ZNF532: variants seen among roughly 807,000 people sequenced by gnomAD.
ZNF532 encodes zinc finger protein 532.
A neutral mutation model predicts 89.3 loss-of-function variants in ZNF532; 22 were observed. The ratio of observed to expected loss-of-function variants is 0.25; its 90% confidence interval spans 0.18 to 0.35. The LOEUF (loss-of-function observed/expected upper bound fraction) is 0.35, where lower values mean the gene tolerates loss of function less well. Ranked by LOEUF, ZNF532 falls within the 10% of genes least tolerant of loss-of-function variation. ZNF532 has a pLI of 1.00. For missense variants in ZNF532, 1,132 were observed against 1,643.4 expected (o/e 0.69, Z 5.38); for synonymous variants, 606 against 649.6 (o/e 0.93, Z 1.02).
At chr18:58,981,214 TGA>T (rs1427115947) in intron 8 of ZNF532, 11 of 459,314 alleles carry the variant, frequency 2.4e-5, no homozygotes, top group Non-Finnish European at 3.6e-5. Context: ...GTGCTCATTC[TGA>T]GAGAATACTG....
intron 7 of ZNF532, among the ~76,000 whole-genome samples, chr18:58,975,825 A>C (rs886143335): frequency 3.3e-5 from 5 of 152,250 alleles, no homozygotes; most frequent in African/African-American, 1.2e-4. Context: ...AAAGTAACTC[A>C]GAACTGAGTA....
chr18:58,893,943 T>C (rs2059082349), intron 2 of ZNF532, among the ~76,000 whole-genome samples: 1 of 152,182 alleles, frequency 6.6e-6, no homozygotes. Context: ...TCTTTGCTTG[T>C]CCTGTATTTA....
intron 3 of ZNF532, among the ~76,000 whole-genome samples, chr18:58,922,677 A>T (rs2061205754): frequency 6.6e-6 from 1 of 152,164 alleles, no homozygotes; most frequent in Non-Finnish European, 1.5e-5. Flanking sequence ...AAAGCCAAAA[A>T]GCTCTTTCTT....
At chr18:58,965,249 G>A (rs1301519011) in intron 7 of ZNF532, among the ~76,000 whole-genome samples, 3 of 152,098 alleles carry the variant, frequency 2.0e-5, no homozygotes, top group Non-Finnish European at 2.9e-5. Context: ...ATTGGAAGGC[G>A]GGGTGTTAAG....
intron 2 of ZNF532, among the ~76,000 whole-genome samples, chr18:58,909,677 G>A (rs2060163194): frequency 6.6e-6 from 1 of 152,144 alleles, no homozygotes; most frequent in Admixed American, 6.6e-5. Flanking sequence ...ATGATTAGCA[G>A]CAAAAACAGG....
At chr18:58,955,471 A>G (rs1352684357) in intron 7 of ZNF532, among the ~76,000 whole-genome samples, 1 of 152,244 alleles carries the variant, frequency 6.6e-6, no homozygotes, top group African/African-American at 2.4e-5. Context: ...GTGAGACTAT[A>G]TAGAGAGTAC....
intron 2 of ZNF532, among the ~76,000 whole-genome samples, chr18:58,876,747 C>A (rs563474743): frequency 6.6e-6 from 1 of 152,236 alleles, no homozygotes; most frequent in South Asian, 2.1e-4. Flanking sequence ...GACTGTCAGG[C>A]CTTAGGTCAG....
At chr18:58,880,110 C>T (rs2057764608) in intron 2 of ZNF532, among the ~76,000 whole-genome samples, 1 of 151,978 alleles carries the variant, frequency 6.6e-6, no homozygotes, top group Non-Finnish European at 1.5e-5. Flanking sequence ...GAAAGGTGAT[C>T]CAGAGAGGGA....
chr18:58,923,794 A>T (rs1009905634), intron 3 of ZNF532, among the ~76,000 whole-genome samples: 2 of 152,206 alleles, frequency 1.3e-5, no homozygotes, highest in Non-Finnish European at 2.9e-5. Context: ...CTAGAAATGG[A>T]CACGGGAGCC....
chr18:58,983,948 T>TA, intron 9 of ZNF532, 24 bp from the exon 10 acceptor site: 1 of 1,588,368 alleles, frequency 6.3e-7, no homozygotes, highest in Non-Finnish European at 8.6e-7. Context: ...TTCAGTCGTG[T>TA]CATTTGCTTT....
chr18:58,984,119 C>T lies in ZNF532; in HGVS notation c.3559C>T (p.Leu1187=), dbSNP rs578201733. Residue 1187 remains leucine, a synonymous_variant, in exon 10 of 10, where the codon CTG becomes TTG. Coordinates refer to ENST00000591808, the MANE Select transcript of ZNF532 (RefSeq NM_001375912.1). The stretch of plus-strand genomic sequence containing the variant: ...GTGTGGCTTCACCACCGAAAACCTG[C>T]TGCAATTCCACGAACACATCCCTCA... ...AVCGFTTENL[L]QFHEHIPQHK... is the part of the protein sequence containing the mutation. The T allele has an allele frequency of 6.2e-7, 1 of 1,611,906 alleles. No individual in the cohort carries two copies. Among genetic ancestry groups the T allele is most frequent in the South Asian group, 1.1e-5 (1 of 90,976 alleles).
At chr18:58,931,418 T>C (rs1264975016) in intron 3 of ZNF532, among the ~76,000 whole-genome samples, 1 of 152,192 alleles carries the variant, frequency 6.6e-6, no homozygotes, top group East Asian at 1.9e-4. Context: ...TTTTCATGAA[T>C]TCAAAGCATT....
At chr18:58,898,286 C>G (rs2059375388) in intron 2 of ZNF532, among the ~76,000 whole-genome samples, 1 of 152,174 alleles carries the variant, frequency 6.6e-6, no homozygotes, top group Admixed American at 6.5e-5. Context: ...TTAAACTTCT[C>G]TGTCTTATAG....
intron 6 of ZNF532, among the ~76,000 whole-genome samples, chr18:58,951,646 GT>G (rs3039758): frequency 1.4e-5 from 1 of 72,602 alleles, no homozygotes; most frequent in Non-Finnish European, 2.4e-5. Context: ...TCGCCCTGTT[GT>G]TTTTTTTTTT....
chr18:58,867,382 C>G (rs1285007261), intron 2 of ZNF532, among the ~76,000 whole-genome samples: 1 of 152,188 alleles, frequency 6.6e-6, no homozygotes, highest in East Asian at 1.9e-4. Flanking sequence ...GCAAATGCTG[C>G]TGAGGGTTGG....
intron 2 of ZNF532, among the ~76,000 whole-genome samples, chr18:58,913,418 G>A (rs1487536356): frequency 2.0e-5 from 3 of 152,146 alleles, no homozygotes; most frequent in African/African-American, 4.8e-5. Flanking sequence ...AGGAAAGATA[G>A]GAAAGATGAA....
intron 2 of ZNF532, among the ~76,000 whole-genome samples, chr18:58,894,947 G>C (rs2059150834): frequency 6.6e-6 from 1 of 152,166 alleles, no homozygotes. Context: ...GGCAACATAG[G>C]CCTTGTCTCT....
rs192369751 is a variant in ZNF532, at chr18:58,921,570, C to T, written c.2346+937C>T. Among the ~76,000 whole-genome samples, 423 of 152,220 alleles carry T rather than the reference C, an allele frequency of 2.8e-3. 3 individuals are homozygous for T. The highest frequency in any genetic ancestry group is 3.8e-3 in the Non-Finnish European group (256 of 68,028). ...ACCCATCTCCAATTAAACAGAATAC[C>T]TTTGTGTGTGTTTGCAGCTTTTGTT... On this transcript the variant is annotated intron_variant, in intron 3 of 9. Coordinates refer to ENST00000591808, the MANE Select transcript of ZNF532 (RefSeq NM_001375912.1).
intron 2 of ZNF532, among the ~76,000 whole-genome samples, chr18:58,888,775 A>ATATATATATAAAATATATATAATT (rs1211760433): frequency 3.6e-5 from 2 of 55,736 alleles, no homozygotes; most frequent in Non-Finnish European, 5.6e-5. Flanking sequence ...TATATAATTT[A>ATATATATATAAAATATATATAATT]TATATATATA....
Sources: gnomAD v4.1 joint callset for allele counts (sites outside exome capture counted in the v4.1 genomes callset) on GRCh38, gnomAD v4.1.1 for gene constraint, MANE v1.5 for transcripts, NCBI Gene and HGNC (gene_info 2026-07-23, HGNC 2026-07-21) for gene names.